The following EXO1 variants were observed in gnomAD, a reference collection of about 807,000 sequenced individuals.
EXO1 encodes exonuclease 1.
Under a neutral mutation model 84.5 loss-of-function variants are expected in EXO1, and 69 were observed. That is an observed-to-expected ratio of 0.82 (90% CI 0.67 to 1.00). The LOEUF (loss-of-function observed/expected upper bound fraction) is 1.00, where lower values mean the gene tolerates loss of function less well. Among genes scored for constraint, EXO1 ranks in the 50% least tolerant of loss-of-function variants. The pLI is 0.00. For synonymous variants in EXO1, 373 were observed against 366.1 expected (o/e 1.02, Z -0.21); for missense variants, 1,045 against 1,000.7 (o/e 1.04, Z -0.60).
intron 12 of EXO1, among the ~76,000 whole-genome samples, chr1:241,877,062 C>A (rs1484011573): frequency 6.6e-6 from 1 of 152,176 alleles, no homozygotes; most frequent in Non-Finnish European, 1.5e-5. Flanking sequence ...TAATTGAATG[C>A]AACTAAAAGG....
intron 10 of EXO1, among the ~76,000 whole-genome samples, chr1:241,864,936 T>C (rs2148448536): frequency 6.6e-6 from 1 of 150,756 alleles, no homozygotes; most frequent in South Asian, 2.1e-4. Context: ...CAGGCTGGAG[T>C]GCAGTGGCAC....
chr1:241,879,734 A>C (rs1216287981), intron 13 of EXO1, among the ~76,000 whole-genome samples: 1 of 152,106 alleles, frequency 6.6e-6, no homozygotes, highest in Admixed American at 6.6e-5. Context: ...GCCAGGTGCG[A>C]TGGCTCATGC....
At chr1:241,875,886 A>T (rs78595735) in intron 12 of EXO1, among the ~76,000 whole-genome samples, 2 of 152,106 alleles carry the variant, frequency 1.3e-5, no homozygotes, top group Non-Finnish European at 2.9e-5. Flanking sequence ...TCAAAAAAAG[A>T]AAAAAATACA....
At position 241,856,321 on chromosome 1, in the gene EXO1, T is replaced by C. The variant is rs181022868; in HGVS notation, c.406-1024T>C. Reference sequence around the variant, plus strand: ...TCAGGCCTTGGGAACCATTTTCCCATAGTTTAGAACATGGAAGTTCCAGTT... The same window carrying C: ...TCAGGCCTTGGGAACCATTTTCCCACAGTTTAGAACATGGAAGTTCCAGTT... On this transcript the variant is annotated intron_variant, in intron 6 of 15. Coordinates refer to ENST00000366548, the MANE Select transcript of EXO1 (RefSeq NM_130398.4). Among the ~76,000 whole-genome samples, 112 of 151,398 alleles carry C rather than the reference T, an allele frequency of 7.4e-4. 2 individuals carry two copies. Among genetic ancestry groups the C allele is most frequent in the Non-Finnish European group, 1.3e-3 (91 of 67,822 alleles).
chr1:241,866,715 A>C, intron 10 of EXO1, 115 bp from the exon 11 acceptor site: 1 of 788,880 alleles, frequency 1.3e-6, no homozygotes, highest in Non-Finnish European at 2.2e-6. Context: ...TTTCATCAAC[A>C]GCTATTGTTT....
intron 14 of EXO1, among the ~76,000 whole-genome samples, chr1:241,883,254 G>A (rs547382904): frequency 6.6e-6 from 1 of 152,160 alleles, no homozygotes; most frequent in Non-Finnish European, 1.5e-5. Context: ...AAATTCTACT[G>A]TAGTCAATAT....
rs4149945 is a variant in EXO1, at chr1:241,867,131, C to T, written c.1267+76C>T. On this transcript the variant is annotated intron_variant, in intron 11 of 15. Coordinates refer to ENST00000366548, the MANE Select transcript of EXO1 (RefSeq NM_130398.4). The stretch of plus-strand genomic sequence containing the variant: ...GAAATCATTGCCCAACGCAAAGTCG[C>T]GAAGATTTTCTCCTGTTTTCTCCTA... The T allele has an allele frequency of 8.3e-3, 9,046 of 1,084,710 alleles. 57 individuals carry two copies. Among genetic ancestry groups the T allele is most frequent in the African/African-American group, 0.014 (865 of 63,978 alleles). The allele number at this position is 1,084,710 out of a possible 1,614,324, so 67.2% of individuals were successfully genotyped here. A position where few individuals can be genotyped will look rare whatever the true frequency, so the allele number is the denominator to read the frequency against.
intron 12 of EXO1, among the ~76,000 whole-genome samples, chr1:241,877,461 G>T (rs528823647): frequency 1.3e-5 from 2 of 152,142 alleles, no homozygotes; most frequent in South Asian, 4.2e-4. Flanking sequence ...CCTAGTAAGA[G>T]CTTTTCTTCC....
chr1:241,877,250 C>T (rs1405439973), intron 12 of EXO1, among the ~76,000 whole-genome samples: 3 of 152,166 alleles, frequency 2.0e-5, no homozygotes, highest in African/African-American at 7.2e-5. Flanking sequence ...AGGAAGTAGC[C>T]ATGAACTGGG....
intron 13 of EXO1, among the ~76,000 whole-genome samples, chr1:241,880,078 T>C (rs1662666424): frequency 6.6e-6 from 1 of 152,030 alleles, no homozygotes; most frequent in Non-Finnish European, 1.5e-5. Context: ...TCATCTTAAG[T>C]TTTAGTACTT....
At chr1:241,869,985 T>A (rs759839056) in intron 11 of EXO1, among the ~76,000 whole-genome samples, 5 of 152,178 alleles carry the variant, frequency 3.3e-5, no homozygotes, top group African/African-American at 4.8e-5. Context: ...CTAATTTTTG[T>A]ATTTTTAGTA....
intron 4 of EXO1, 51 bp downstream of exon 4, chr1:241,850,637 A>C (rs1660611201): frequency 1.3e-6 from 2 of 1,503,376 alleles, no homozygotes; most frequent in East Asian, 2.3e-5. Context: ...TGAGACCTAC[A>C]GTGCCTTTTT....
chr1:241,856,586 T>C (rs1483740099), intron 6 of EXO1, among the ~76,000 whole-genome samples: 1 of 152,044 alleles, frequency 6.6e-6, no homozygotes, highest in Admixed American at 6.6e-5. Context: ...CTGGATATGG[T>C]CTATAATTTT....
intron 14 of EXO1, 72 bp downstream of exon 14, chr1:241,882,089 C>T (rs970189097): frequency 1.5e-5 from 11 of 746,738 alleles, no homozygotes; most frequent in Non-Finnish European, 2.6e-5. Flanking sequence ...ATGAGAAATA[C>T]AAGCAGAATT....
intron 12 of EXO1, among the ~76,000 whole-genome samples, chr1:241,873,616 T>C (rs1486452960): frequency 6.6e-6 from 1 of 152,222 alleles, no homozygotes; most frequent in Non-Finnish European, 1.5e-5. Flanking sequence ...CCTGATGCCA[T>C]GCTAGGTGCT....
intron 13 of EXO1, among the ~76,000 whole-genome samples, chr1:241,880,528 TC>T (rs1662692430): frequency 6.6e-6 from 1 of 152,164 alleles, no homozygotes; most frequent in South Asian, 2.1e-4. Flanking sequence ...GAAATGTGAA[TC>T]CTCCTCCCCT....
intron 11 of EXO1, among the ~76,000 whole-genome samples, chr1:241,868,438 C>T (rs1661878293): frequency 6.6e-6 from 1 of 151,298 alleles, no homozygotes; most frequent in African/African-American, 2.4e-5. Context: ...AAAGCTGCAG[C>T]TTCTCTGCTC....
chr1:241,863,782 A>G (rs766799566), intron 10 of EXO1, among the ~76,000 whole-genome samples: 4 of 152,188 alleles, frequency 2.6e-5, no homozygotes, highest in Non-Finnish European at 5.9e-5. Flanking sequence ...GGCTATTTAA[A>G]TTTGTTAAAA....
At chr1:241,851,228 C>A (rs973743903) in intron 4 of EXO1, among the ~76,000 whole-genome samples, 3 of 152,104 alleles carry the variant, frequency 2.0e-5, no homozygotes, top group African/African-American at 7.2e-5. Flanking sequence ...TACTGCTAAT[C>A]CTGGTTAGCA....
Sources: gnomAD v4.1 joint callset for allele counts (sites outside exome capture counted in the v4.1 genomes callset) on GRCh38, gnomAD v4.1.1 for gene constraint, MANE v1.5 for transcripts, NCBI Gene and HGNC (gene_info 2026-07-23, HGNC 2026-07-21) for gene names.